VWA3B: variants seen among roughly 807,000 people sequenced by gnomAD.
VWA3B encodes von Willebrand factor A domain containing 3B, also known as von Willebrand factor A domain-containing protein 3B.
VWA3B carries 138 observed loss-of-function variants against 158.3 expected under a neutral mutation model. The ratio of observed to expected loss-of-function variants is 0.87; its 90% confidence interval spans 0.76 to 1.00. The LOEUF is 1.00. Ranked by LOEUF, VWA3B falls within the 50% of genes least tolerant of loss-of-function variation. The pLI is 0.00. For missense variants in VWA3B, 1,555 were observed against 1,565.1 expected, an observed-to-expected ratio of 0.99 and a Z score of 0.11; for synonymous variants, 596 against 587.3, an observed-to-expected ratio of 1.01 and a Z score of -0.21.
intron 19 of VWA3B, among the ~76,000 whole-genome samples, chr2:98,242,890 A>G (rs1686169150): frequency 6.6e-6 from 1 of 151,792 alleles, no homozygotes; most frequent in African/African-American, 2.4e-5. Context: ...GCTTTTAAAT[A>G]TAATAGCAAT....
At chr2:98,207,044 A>G (rs1353954571) in intron 12 of VWA3B, 1 of 501,066 alleles carries the variant, frequency 2.0e-6, no homozygotes, top group African/African-American at 2.0e-5. Flanking sequence ...GAAGTTCAAG[A>G]TGTACTCCTG....
chr2:98,194,430 C>T lies in VWA3B; in HGVS notation c.1675C>T (p.Gln559Ter). ...TGGTCAAGCAGTTGCTTGGCGGGAACAACTTGCTGAAGTCAATGAAGATAA... is the reference window on the plus strand; with the variant it reads ...TGGTCAAGCAGTTGCTTGGCGGGAATAACTTGCTGAAGTCAATGAAGATAA... ...FDGQAVAWRE[Q>*]LAEVNEDNLE... The change falls in exon 12 of 28, where the codon CAA (glutamine) becomes TAA (stop). Residue 559 changes from glutamine to a stop codon, truncating the protein, a stop_gained. Coordinates refer to ENST00000477737, the MANE Select transcript of VWA3B (RefSeq NM_144992.5). LOFTEE classifies it high-confidence loss of function. 6.2e-7 allele frequency: 1 copy of T among 1,614,048 alleles called. No homozygotes were observed. The highest frequency in any genetic ancestry group is 8.5e-7 in the Non-Finnish European group (1 of 1,179,968).
intron 1 of VWA3B, among the ~76,000 whole-genome samples, chr2:98,088,681 C>A (rs937429751): frequency 2.6e-5 from 4 of 152,096 alleles, no homozygotes; most frequent in Non-Finnish European, 4.4e-5. Flanking sequence ...TTTATAATAA[C>A]CTCAGCTGAG....
At chr2:98,130,036 G>A (rs544789276) in intron 6 of VWA3B, among the ~76,000 whole-genome samples, 271 of 152,238 alleles carry the variant, frequency 1.8e-3, no homozygotes, top group Non-Finnish European at 3.1e-3. Context: ...CACCGGCACC[G>A]GCCTCTGAGT....
chr2:98,252,090 GCACCAATGATCCTTCTCAGAGAGAC>G (rs1474884544), intron 20 of VWA3B, among the ~76,000 whole-genome samples: 1 of 152,056 alleles, frequency 6.6e-6, no homozygotes, highest in Non-Finnish European at 1.5e-5. Context: ...TCTCACCTCA[GCACCAATGATCCTTCTCAGAGAGAC>G]CTCTCGGGAG....
At chr2:98,179,383 C>G in intron 8 of VWA3B, 1 of 464,044 alleles carries the variant, frequency 2.2e-6, no homozygotes, top group South Asian at 1.6e-5. Flanking sequence ...GTGCCTGAGG[C>G]TGGAGATGTT....
chr2:98,288,951 G>T (rs1389817485), intron 22 of VWA3B, among the ~76,000 whole-genome samples: 2 of 152,060 alleles, frequency 1.3e-5, no homozygotes, highest in East Asian at 1.9e-4. Context: ...CTTTCCAAAG[G>T]TTCACAGTAC....
intron 24 of VWA3B, among the ~76,000 whole-genome samples, chr2:98,299,433 C>A (rs1182462590): frequency 3.9e-5 from 6 of 152,218 alleles, no homozygotes; most frequent in African/African-American, 1.4e-4. Context: ...CCTTGCAGAG[C>A]ACCCTGCTGC....
chr2:98,212,116 C>A, intron 13 of VWA3B, 88 bp downstream of exon 13: 1 of 1,152,068 alleles, frequency 8.7e-7, no homozygotes, highest in Non-Finnish European at 1.3e-6. Context: ...TTTTCAGCTG[C>A]CACCAAAAAT....
rs576928333 is a variant in VWA3B, at chr2:98,132,626, G to A, written c.873-1198G>A. ...TCTAATCTAGAAAACAGATCAGAGA[G>A]TGGAAGGTCCTGGGTGCCAAAGGCC... On this transcript the variant is annotated intron_variant, in intron 6 of 27. Transcript: ENST00000477737. 2.1e-4 allele frequency among the ~76,000 whole-genome samples: 32 copies of A among 152,344 alleles called. No homozygotes were observed. In the East Asian group the frequency reaches 6.0e-3, roughly 28 times the overall value.
At chr2:98,255,914 T>C (rs985237311) in intron 20 of VWA3B, among the ~76,000 whole-genome samples, 1 of 152,088 alleles carries the variant, frequency 6.6e-6, no homozygotes, top group Non-Finnish European at 1.5e-5. Flanking sequence ...AACTGAGCCC[T>C]CCTTTAATAT....
chr2:98,183,212 C>G (rs1449482782), intron 9 of VWA3B, among the ~76,000 whole-genome samples: 1 of 84,308 alleles, frequency 1.2e-5, no homozygotes, highest in African/African-American at 5.2e-5. Flanking sequence ...TTTTTTTTTA[C>G]AAATACTGAT....
At chr2:98,191,144 G>A (rs900605783) in intron 10 of VWA3B, among the ~76,000 whole-genome samples, 6 of 152,122 alleles carry the variant, frequency 3.9e-5, no homozygotes, top group African/African-American at 1.4e-4. Context: ...ACCATGCAGT[G>A]TATTTTAAAT....
chr2:98,143,204 T>C (rs1369119988), intron 7 of VWA3B, among the ~76,000 whole-genome samples: 2 of 152,130 alleles, frequency 1.3e-5, no homozygotes, highest in East Asian at 3.9e-4. Flanking sequence ...CACGCCAGGC[T>C]AACTTTTGGA....
intron 7 of VWA3B, among the ~76,000 whole-genome samples, chr2:98,162,161 C>G (rs187442222): frequency 7.0e-6 from 1 of 143,138 alleles, no homozygotes; most frequent in African/African-American, 2.5e-5. Context: ...CATTTCCCCC[C>G]GGCCCACCCG....
intron 7 of VWA3B, among the ~76,000 whole-genome samples, chr2:98,151,222 C>T (rs545430832): frequency 6.6e-6 from 1 of 152,078 alleles, no homozygotes; most frequent in East Asian, 1.9e-4. Flanking sequence ...AAGCGATTGT[C>T]CTGCCTCAGC....
intron 1 of VWA3B, among the ~76,000 whole-genome samples, chr2:98,088,777 A>G (rs912491022): frequency 3.3e-5 from 5 of 151,870 alleles, no homozygotes; most frequent in East Asian, 3.9e-4. Context: ...TTTTTGAGAC[A>G]GGGTCTCGCT....
chr2:98,252,582 TCA>T (rs1686864698), intron 20 of VWA3B, among the ~76,000 whole-genome samples: 1 of 152,122 alleles, frequency 6.6e-6, no homozygotes, highest in South Asian at 2.1e-4. Context: ...AGAATCTATC[TCA>T]CAGGTCTGTT....
At chr2:98,225,375 T>C (rs1684839001) in intron 14 of VWA3B, among the ~76,000 whole-genome samples, 1 of 152,232 alleles carries the variant, frequency 6.6e-6, no homozygotes, top group Admixed American at 6.5e-5. Context: ...TATCAATTGA[T>C]GCAGAAAAAG....
Sources: allele counts gnomAD v4.1 joint callset (sites outside exome capture counted in the v4.1 genomes callset), GRCh38; gene constraint gnomAD v4.1.1; transcripts MANE v1.5; gene names NCBI Gene and HGNC (gene_info 2026-07-23, HGNC 2026-07-21).